Variants in TAS2R1 observed in about 807,000 individuals in gnomAD.
TAS2R1 encodes taste receptor type 2 member 1.
For synonymous variants in TAS2R1, 141 were observed against 134.2 expected (o/e 1.05, Z -0.35); for missense variants, 370 against 353.4 (o/e 1.05, Z -0.38).
chr5:9,860,576 T>C, the TAS2R1 span, among the ~76,000 whole-genome samples: 2 of 152,156 alleles, frequency 1.3e-5, no homozygotes, highest in Non-Finnish European at 2.9e-5. Flanking sequence ...GGCTGTGGAT[T>C]TGATGTGTAA....
At chr5:9,869,318 C>T in the TAS2R1 span, among the ~76,000 whole-genome samples, 6 of 152,252 alleles carry the variant, frequency 3.9e-5, 1 homozygote, top group Admixed American at 3.3e-4. Context: ...GCTGGGGAGG[C>T]CTCACAATCA....
chr5:9,890,411 C>T, the TAS2R1 span, among the ~76,000 whole-genome samples: 1 of 152,178 alleles, frequency 6.6e-6, no homozygotes, highest in Non-Finnish European at 1.5e-5. Context: ...CTCCGCCTCA[C>T]ATCTCAGGGT....
At chr5:9,797,293 A>G in the TAS2R1 span, among the ~76,000 whole-genome samples, 1 of 152,206 alleles carries the variant, frequency 6.6e-6, no homozygotes, top group Non-Finnish European at 1.5e-5. Flanking sequence ...GACGTACCCT[A>G]CAATGCACAG....
the TAS2R1 span, among the ~76,000 whole-genome samples, chr5:9,774,637 T>G: frequency 6.6e-6 from 1 of 152,256 alleles, no homozygotes; most frequent in African/African-American, 2.4e-5. Context: ...TGTAGCCATA[T>G]CTGCATTAGG....
chr5:9,853,719 G>A, the TAS2R1 span, among the ~76,000 whole-genome samples: 8,858 of 152,156 alleles, frequency 0.058, 621 homozygotes, highest in East Asian at 0.23. Context: ...GCATATACAG[G>A]AATAAACCTT....
the TAS2R1 span, among the ~76,000 whole-genome samples, chr5:9,901,038 T>C: frequency 6.6e-6 from 1 of 152,174 alleles, no homozygotes; most frequent in Non-Finnish European, 1.5e-5. Context: ...GATTCGCAGC[T>C]GCTTTGCTTT....
the TAS2R1 span, among the ~76,000 whole-genome samples, chr5:9,884,367 G>A: frequency 6.6e-6 from 1 of 151,476 alleles, no homozygotes; most frequent in Admixed American, 6.6e-5. Context: ...CCAGCTACTC[G>A]GGAGGCTGAG....
intron 2 of TAS2R1, among the ~76,000 whole-genome samples, chr5:9,650,040 C>T (rs2126487488): frequency 6.6e-6 from 1 of 151,588 alleles, no homozygotes; most frequent in South Asian, 2.1e-4. Flanking sequence ...TGGAATTGGC[C>T]CTGGAAATTT....
chr5:9,807,025 T>C, the TAS2R1 span, among the ~76,000 whole-genome samples: 1 of 151,900 alleles, frequency 6.6e-6, no homozygotes, highest in Non-Finnish European at 1.5e-5. Flanking sequence ...ACATCCAGAA[T>C]CTACAGAGAA....
At chr5:9,727,179 G>C in the TAS2R1 span, among the ~76,000 whole-genome samples, 1 of 152,178 alleles carries the variant, frequency 6.6e-6, no homozygotes, top group Non-Finnish European at 1.5e-5. Flanking sequence ...ATTGTAGACA[G>C]TTTATTTCTT....
At chr5:9,671,811 CA>C (rs962640519) in intron 1 of TAS2R1, among the ~76,000 whole-genome samples, 2 of 151,736 alleles carry the variant, frequency 1.3e-5, no homozygotes, top group African/African-American at 4.8e-5. Flanking sequence ...CATATGGAAC[CA>C]AAAAAGAGCT....
chr5:9,683,172 T>C (rs1741059676), intron 1 of TAS2R1, among the ~76,000 whole-genome samples: 1 of 151,964 alleles, frequency 6.6e-6, no homozygotes, highest in African/African-American at 2.4e-5. Flanking sequence ...TAGTATAATA[T>C]GTATCCTAAT....
the TAS2R1 span, among the ~76,000 whole-genome samples, chr5:9,783,135 C>T: frequency 6.6e-6 from 1 of 152,158 alleles, no homozygotes; most frequent in Non-Finnish European, 1.5e-5. Context: ...CTTTTGAATA[C>T]TTCATTAACT....
At chr5:9,751,477 T>C in the TAS2R1 span, among the ~76,000 whole-genome samples, 1 of 152,158 alleles carries the variant, frequency 6.6e-6, no homozygotes, top group African/African-American at 2.4e-5. Flanking sequence ...GGTATGTAAA[T>C]CTGAATCTGT....
chr5:9,902,786 A>G, the TAS2R1 span: 1 of 151,942 alleles, frequency 6.6e-6, no homozygotes, highest in Non-Finnish European at 1.5e-5. Context: ...CAATACAGTG[A>G]TCAGTCCCCA....
intron 1 of TAS2R1, among the ~76,000 whole-genome samples, chr5:9,697,946 A>G (rs1741396621): frequency 2.0e-5 from 3 of 152,076 alleles, no homozygotes; most frequent in Admixed American, 1.3e-4. Context: ...TGCAGAAAAA[A>G]AAAAGATTTT....
At chr5:9,887,001 T>C in the TAS2R1 span, among the ~76,000 whole-genome samples, 1 of 152,324 alleles carries the variant, frequency 6.6e-6, no homozygotes, top group African/African-American at 2.4e-5. Context: ...TGTCTTTTGG[T>C]ACAACATATA....
the TAS2R1 span, among the ~76,000 whole-genome samples, chr5:9,756,248 T>C: frequency 6.6e-6 from 1 of 152,194 alleles, no homozygotes; most frequent in Non-Finnish European, 1.5e-5. Flanking sequence ...CGCGAGAGCC[T>C]TCAGGGAAGC....
At chr5:9,670,165 C>T (rs929595436) in intron 1 of TAS2R1, among the ~76,000 whole-genome samples, 3 of 152,054 alleles carry the variant, frequency 2.0e-5, no homozygotes, top group Non-Finnish European at 2.9e-5. Flanking sequence ...AATAGATAAA[C>T]TCCTGCAAAC....
Sources: gnomAD v4.1 joint callset for allele counts (sites outside exome capture counted in the v4.1 genomes callset) on GRCh38, gnomAD v4.1.1 for gene constraint, MANE v1.5 for transcripts, NCBI Gene and HGNC (gene_info 2026-07-23, HGNC 2026-07-21) for gene names.